The following RAB3IL1 variants were observed in gnomAD, a reference collection of about 807,000 sequenced individuals.
The protein encoded by RAB3IL1 is guanine nucleotide exchange factor for Rab-3A.
A neutral mutation model predicts 49.2 loss-of-function variants in RAB3IL1; 37 were observed. That is an observed-to-expected ratio of 0.75 (90% CI 0.58 to 0.99). RAB3IL1 has a LOEUF of 0.99. RAB3IL1 is among the 50% of genes least tolerant of loss of function. The pLI is 0.00. For synonymous variants in RAB3IL1, 193 were observed against 213.9 expected, an observed-to-expected ratio of 0.90 and a Z score of 0.85; for missense variants, 484 against 513.0, an observed-to-expected ratio of 0.94 and a Z score of 0.55.
chr11:61,908,553 G>A (rs971157620), intron 1 of RAB3IL1, among the ~76,000 whole-genome samples: 1 of 152,222 alleles, frequency 6.6e-6, no homozygotes, highest in African/African-American at 2.4e-5. Flanking sequence ...TGAGGGCTGT[G>A]TTTGGCACAT....
At chr11:61,943,069 A>G in the RAB3IL1 span, among the ~76,000 whole-genome samples, 77 of 152,352 alleles carry the variant, frequency 5.1e-4, 1 homozygote, top group African/African-American at 1.3e-3. Flanking sequence ...GAAAAAGAAC[A>G]AAGTTGGAGA....
intron 1 of RAB3IL1, 115 bp downstream of exon 1, chr11:61,917,242 G>A: frequency 7.8e-7 from 1 of 1,288,378 alleles, no homozygotes; most frequent in Non-Finnish European, 9.8e-7. Flanking sequence ...GGGCGGGGGC[G>A]CACAGCACCT....
chr11:61,929,884 C>CTTTTTTTTTT, the RAB3IL1 span, among the ~76,000 whole-genome samples: 1 of 66,418 alleles, frequency 1.5e-5, no homozygotes, highest in Non-Finnish European at 2.6e-5. Flanking sequence ...CCGCGCCCGG[C>CTTTTTTTTTT]TTTTTTTTTT....
rs560855060 is a variant in RAB3IL1, at chr11:61,906,054, C to G, written c.657+412G>C. On this transcript the variant is annotated intron_variant, in intron 5 of 9. Transcript: ENST00000394836. This position sits in a 1 kb window ranked among gnomAD's most constrained non-coding sequence, Gnocchi z 4.6. The stretch of plus-strand genomic sequence containing the variant: ...AGCACAGGGCTGTCACCAGGTGGTC[C>G]TGGGGCTCGAGGCTGTGGCCACACG... Among the ~76,000 whole-genome samples, 1 of 152,148 alleles carries G rather than the reference C, an allele frequency of 6.6e-6. No individual in the cohort carries two copies. Among genetic ancestry groups the G allele is most frequent in the Non-Finnish European group, 1.5e-5 (1 of 68,004 alleles).
Position 61,908,062 on chromosome 11 carries a change from C to T in RAB3IL1, c.256G>A (p.Ala86Thr), listed in dbSNP as rs775824117. ...CTACTGCAGGCACCCACCTTCTGCG[C>T]TCTGTGCAGCTCCTCCTTCAGGAAC... ...SEFLKEELHR[A>T]QKELKLKDEE... Residue 86 changes from alanine (A) to threonine (T), a missense_variant, in exon 2 of 10, where the codon GCG becomes ACG. By Grantham distance (58) the Ala-to-Thr change is moderately conservative. Coordinates refer to ENST00000394836, the MANE Select transcript of RAB3IL1 (RefSeq NM_013401.4). 6.2e-7 allele frequency: 1 copy of T among 1,609,106 alleles called. No individual in the cohort carries two copies. The highest frequency in any genetic ancestry group is 2.2e-5 in the East Asian group (1 of 44,728).
At chr11:61,945,054 C>A in the RAB3IL1 span, among the ~76,000 whole-genome samples, 1 of 152,176 alleles carries the variant, frequency 6.6e-6, no homozygotes, top group East Asian at 1.9e-4. Flanking sequence ...GTGGAGAAGG[C>A]TGTAGCTGTG....
chr11:61,944,220 CTCCTTCCTTCCTTCCTTCCTTCCTTCCT>C, the RAB3IL1 span, among the ~76,000 whole-genome samples: 1 of 36,996 alleles, frequency 2.7e-5, no homozygotes, highest in Non-Finnish European at 1.4e-4. Flanking sequence ...CCTTCCTTCC[CTCCTTCCTTCCTTCCTTCCTTCCTTCCT>C]TCCTTCCTTC....
rs762246190 is a variant in RAB3IL1 at position 61,899,738 on chromosome 11, G to A, written c.1000-358C>T. On this transcript the variant is annotated intron_variant, in intron 8 of 9. Transcript: ENST00000394836. ...ATGCAGCAGAGCTGTGAGATGAACC[G>A]GGCAGGCTGTCCCGGAGTCTACACT... 5.7e-4 allele frequency: 138 copies of A among 240,828 alleles called. 2 individuals carry two copies. In the Middle Eastern group the frequency reaches 6.9e-3, roughly 12 times the overall value. 14.9% of individuals were successfully genotyped at this position (240,828 alleles called of 1,614,324 possible). A position where few individuals can be genotyped will look rare whatever the true frequency, so the allele number is the denominator to read the frequency against.
Position 61,909,088 on chromosome 11 carries a change from G to A in RAB3IL1, c.12-782C>T, listed in dbSNP as rs568587030. Among the ~76,000 whole-genome samples, 10 of 152,332 alleles carry A rather than the reference G, an allele frequency of 6.6e-5. No homozygotes were observed. The South Asian group carries it at 1.2e-3, about 19-fold the overall frequency. On this transcript the variant is annotated intron_variant, in intron 1 of 9. Coordinates refer to ENST00000394836, the MANE Select transcript of RAB3IL1 (RefSeq NM_013401.4). ...GAGAGGGAAGGGAGGGCGAGGGCCCGGCCAGCGGTGTTTTGTGCCAAGACA... is the reference window on the plus strand; with the variant it reads ...GAGAGGGAAGGGAGGGCGAGGGCCCAGCCAGCGGTGTTTTGTGCCAAGACA...
intron 8 of RAB3IL1, among the ~76,000 whole-genome samples, chr11:61,900,789 G>A (rs1302893799): frequency 2.0e-5 from 3 of 152,196 alleles, no homozygotes; most frequent in African/African-American, 7.2e-5. Context: ...TTCATCCAGT[G>A]CAGCAGGACA....
At chr11:61,944,103 A>G in the RAB3IL1 span, among the ~76,000 whole-genome samples, 5 of 151,962 alleles carry the variant, frequency 3.3e-5, no homozygotes, top group Admixed American at 2.6e-4. Context: ...AAAATAAATT[A>G]AAAACTTTTG....
the RAB3IL1 span, among the ~76,000 whole-genome samples, chr11:61,945,622 G>A: frequency 7.4e-4 from 112 of 152,288 alleles, no homozygotes; most frequent in African/African-American, 2.6e-3. Flanking sequence ...TACTCACTGG[G>A]TGTGAACCTT....
intron 6 of RAB3IL1, 46 bp downstream of exon 6, chr11:61,904,708 C>T (rs755464130): frequency 2.9e-5 from 46 of 1,582,702 alleles, no homozygotes; most frequent in Middle Eastern, 3.5e-4. Context: ...TGGGCCCTGG[C>T]GGAGGGGTGT....
In RAB3IL1 at chr11:61,907,596, T is replaced by G. The variant is rs1388148177; in HGVS notation, c.329A>C (p.Glu110Ala). 1.2e-6 allele frequency: 2 copies of G among 1,613,870 alleles called. No homozygotes were observed. The highest frequency in any genetic ancestry group is 2.7e-5 in the African/African-American group (2 of 74,894). Residue 110 changes from glutamate (E) to alanine (A), a missense_variant, in exon 3 of 10, where the codon GAG (glutamate) becomes GCG (alanine). Physicochemically the swap from Glu to Ala is moderately radical, Grantham distance 107. Transcript: ENST00000394836. ...LSKVREQLEQ[E>A]LEELTASLFE... The stretch of plus-strand genomic sequence containing the variant: ...CAGGCTGGCCGTCAGCTCTTCCAGC[T>G]CCTGTTCTAGCTGCTCCCGCACCTT...
At chr11:61,928,031 G>A in the RAB3IL1 span, among the ~76,000 whole-genome samples, 9 of 152,200 alleles carry the variant, frequency 5.9e-5, no homozygotes, top group South Asian at 2.1e-4. Context: ...AAGGATTTAC[G>A]CAGGAGTGTG....
rs1431279254 is a variant in RAB3IL1 at position 61,904,901 on chromosome 11, G to A, written c.658-19C>T. 1.0e-5 allele frequency: 16 copies of A among 1,560,394 alleles called. No individual in the cohort carries two copies. Among genetic ancestry groups the A allele is most frequent in the Middle Eastern group, 1.8e-4 (1 of 5,548 alleles). ...TGTCCACCTGTGGGGGAGGGCAAGCGAGGGTGGGGGCGGTCAGGGTACTGG... is the reference window on the plus strand; with the variant it reads ...TGTCCACCTGTGGGGGAGGGCAAGCAAGGGTGGGGGCGGTCAGGGTACTGG... On this transcript the variant is annotated intron_variant, in intron 5 of 9. Transcript: ENST00000394836.
In RAB3IL1 at chr11:61,907,484, A is replaced by C. The variant is rs746691714; in HGVS notation, c.361-14T>G. On this transcript the variant is annotated splice_polypyrimidine_tract_variant and intron_variant, in intron 3 of 9. Transcript: ENST00000394836. ...CTTGTGAGCTTCCTAGGAAGAAGGC[A>C]GTCCCTGCGTGAGTGGTGAGGAGCC... The C allele has an allele frequency of 6.2e-7, 1 of 1,614,168 alleles. No homozygotes were observed. The highest frequency in any genetic ancestry group is 1.1e-5 in the South Asian group (1 of 91,078).
chr11:61,941,548 C>G, the RAB3IL1 span, among the ~76,000 whole-genome samples: 2 of 152,034 alleles, frequency 1.3e-5, no homozygotes, highest in African/African-American at 4.8e-5. Context: ...GTCAGGAGAT[C>G]GAGACCATCC....
chr11:61,929,420 G>A, the RAB3IL1 span, among the ~76,000 whole-genome samples: 21 of 146,866 alleles, frequency 1.4e-4, no homozygotes, highest in African/African-American at 4.6e-4. Context: ...CACAAGAATC[G>A]ATTCAACCCA....
Sources: allele counts gnomAD v4.1 joint callset (sites outside exome capture counted in the v4.1 genomes callset), GRCh38; gene constraint gnomAD v4.1.1; non-coding constraint Gnocchi (gnomAD v3.1); transcripts MANE v1.5; gene names NCBI Gene and HGNC (gene_info 2026-07-23, HGNC 2026-07-21).